The following NUCB1 variants were observed in gnomAD, a reference collection of about 807,000 sequenced individuals.
NUCB1 encodes the protein nucleobindin-1.
Under a neutral mutation model 61.2 loss-of-function variants are expected in NUCB1, and 47 were observed. The observed-to-expected ratio is 0.77, with a 90% CI of 0.61 to 0.98. The LOEUF is 0.98. Among genes scored for constraint, NUCB1 ranks in the 50% least tolerant of loss-of-function variants. The probability of loss-of-function intolerance (pLI) is 0.00; values close to 1 mark genes in which losing one functional copy is unlikely to be tolerated. For synonymous variants in NUCB1, 234 were observed against 243.1 expected (o/e 0.96, Z 0.35); for missense variants, 583 against 605.3 (o/e 0.96, Z 0.39).
At position 48,920,213 on chromosome 19, in the gene NUCB1, G is replaced by A. The variant is rs544909236; in HGVS notation, c.1002+927G>A. 2.6e-5 allele frequency among the ~76,000 whole-genome samples: 4 copies of A among 151,570 alleles called. No individual in the cohort carries two copies. In the East Asian group the frequency reaches 7.8e-4, roughly 30 times the overall value. ...GGCTGGAGTGCAGGGGTGTTATCAT[G>A]GCCCACTGCAGCCTCAAACTCCTGT... On this transcript the variant is annotated intron_variant, in intron 10 of 12. Coordinates refer to ENST00000405315, the MANE Select transcript of NUCB1 (RefSeq NM_006184.6).
At position 48,905,618 on chromosome 19, in the gene NUCB1, G is replaced by T. The variant is rs533513191; in HGVS notation, c.244-135G>T. On this transcript the variant is annotated intron_variant, in intron 3 of 12. Transcript: ENST00000405315. ...GACGGGCTGGGAGCTGTCCTTCCTG[G>T]AGACTCTGAGGAGCTGGGGGACTAT... The T allele has an allele frequency of 2.4e-4, 245 of 1,040,822 alleles. No homozygotes were observed. In the African/African-American group the frequency reaches 3.5e-3, roughly 15 times the overall value. 64.5% of individuals were successfully genotyped at this position (1,040,822 alleles called of 1,614,324 possible).
Position 48,922,343 on chromosome 19 carries a change from C to G in NUCB1, c.1305C>G (p.Ala435=), listed in dbSNP as rs139507341. 1 of 1,613,656 alleles carries G rather than the reference C, an allele frequency of 6.2e-7. No homozygotes were observed. The highest frequency in any genetic ancestry group is 8.5e-7 in the Non-Finnish European group (1 of 1,179,692). Residue 435 remains alanine (A), a synonymous_variant, in exon 13 of 13, where the codon GCC becomes GCG. Transcript: ENST00000405315. The part of the protein sequence containing the change: ...DTDDVPVPAP[A]GDQKEVDTSE... Reference sequence around the variant, plus strand: ...ACGATGTACCTGTCCCAGCTCCAGCCGGTGACCAGAAGGAGGTGGACACTT... The same window carrying G: ...ACGATGTACCTGTCCCAGCTCCAGCGGGTGACCAGAAGGAGGTGGACACTT...
At chr19:48,917,059 A>AC in intron 7 of NUCB1, among the ~76,000 whole-genome samples, 1 of 151,388 alleles carries the variant, frequency 6.6e-6, no homozygotes, top group South Asian at 2.1e-4. Flanking sequence ...ATCTCTATGA[A>AC]AACAAATACA....
At chr19:48,914,535 G>A (rs2037517775) in intron 7 of NUCB1, among the ~76,000 whole-genome samples, 2 of 152,160 alleles carry the variant, frequency 1.3e-5, no homozygotes, top group African/African-American at 4.8e-5. Flanking sequence ...CCCCCTCAGA[G>A]CCAGTGATCA....
In NUCB1 at chr19:48,922,431, G is replaced by A. The variant is rs199991235; in HGVS notation, c.*7G>A. The A allele has an allele frequency of 1.1e-4, 171 of 1,609,078 alleles. No homozygotes were observed. The Middle Eastern group carries it at 1.5e-3, about 14-fold the overall frequency. On this transcript the variant is annotated 3_prime_UTR_variant, in exon 13 of 13. Transcript: ENST00000405315. The stretch of plus-strand genomic sequence containing the variant: ...GGTGCCCCAGCATCTGTGATCCTCC[G>A]GGACCCCAGCCCTCAGGATTCCTGA...
intron 4 of NUCB1, among the ~76,000 whole-genome samples, chr19:48,908,766 TTCTC>T (rs2037441757): frequency 1.0e-5 from 1 of 99,886 alleles, no homozygotes. Flanking sequence ...GTGTGTGTCT[TTCTC>T]CCCACCTAAC....
At chr19:48,913,327 G>C in intron 6 of NUCB1, 131 bp downstream of exon 6, 1 of 1,204,890 alleles carries the variant, frequency 8.3e-7, no homozygotes, top group Non-Finnish European at 1.2e-6. Context: ...GTACCTGGCT[G>C]CCCCAGGGTC....
intron 3 of NUCB1, among the ~76,000 whole-genome samples, chr19:48,905,028 C>T (rs1310664404): frequency 2.6e-5 from 4 of 152,224 alleles, no homozygotes; most frequent in Admixed American, 6.5e-5. Context: ...CTCCCCTCAC[C>T]GTGCCTCAGT....
Position 48,913,189 on chromosome 19 carries a change from A to C in NUCB1, c.659A>C (p.Asn220Thr), listed in dbSNP as rs540384493. 2 of 1,611,612 alleles carry C rather than the reference A, an allele frequency of 1.2e-6. No individual in the cohort carries two copies. Among genetic ancestry groups the C allele is most frequent in the Non-Finnish European group, 1.7e-6 (2 of 1,179,024 alleles). Residue 220 changes from asparagine (N) to threonine (T), a missense_variant, in exon 6 of 13, where the codon AAC becomes ACC. Transcript: ENST00000405315. ...QRRHREHPKV[N>T]VPGSQAQLKE... ...CGGCACCGCGAGCACCCTAAAGTCA[A>C]CGTGCCTGTGAGGACCCCATTTGTG...
rs775152785 is a variant in NUCB1 at position 48,921,880 on chromosome 19, C to G, written c.1227C>G (p.His409Gln). 1 of 1,612,668 alleles carries G rather than the reference C, an allele frequency of 6.2e-7. No homozygotes were observed. Among genetic ancestry groups the G allele is most frequent in the South Asian group, 1.1e-5 (1 of 91,042 alleles). ...RKQQQQQQQGHKAPAAHPEGQ... is the reference protein window; with the variant it reads ...RKQQQQQQQGQKAPAAHPEGQ... ...AGCAGCAGCAGCAGCAGCAAGGCCA[C>G]AAGGCCCCGGCTGCCCACCCTGAGG... The change falls in exon 12 of 13, where the codon CAC becomes CAG. Residue 409 changes from histidine (H) to glutamine (Q), a missense_variant. Coordinates refer to ENST00000405315, the MANE Select transcript of NUCB1 (RefSeq NM_006184.6).
intron 2 of NUCB1, 69 bp from the exon 3 acceptor site, chr19:48,904,278 C>A: frequency 9.9e-7 from 1 of 1,006,264 alleles, no homozygotes; most frequent in Non-Finnish European, 1.6e-6. Context: ...CAGGCCATAG[C>A]AGTAACAGGA....
intron 8 of NUCB1, 118 bp from the exon 9 acceptor site, chr19:48,918,912 G>A: frequency 7.5e-7 from 1 of 1,325,164 alleles, no homozygotes; most frequent in Non-Finnish European, 1.1e-6. Context: ...CAGCCCCTGG[G>A]GCAAAAACGG....
chr19:48,912,883 G>C, intron 5 of NUCB1, 128 bp from the exon 6 acceptor site: 1 of 516,316 alleles, frequency 1.9e-6, no homozygotes. Context: ...GACACGAGAC[G>C]TAAGAAAGAC....
chr19:48,912,521 G>A (rs1009438872), intron 5 of NUCB1, among the ~76,000 whole-genome samples: 1 of 151,926 alleles, frequency 6.6e-6, no homozygotes, highest in African/African-American at 2.4e-5. Context: ...TATGGGGCAG[G>A]AGCAGTCATG....
Position 48,915,422 on chromosome 19 carries a change from C to T in NUCB1, c.757+1858C>T, listed in dbSNP as rs553050735. ...CTGAGGTAGGAGAATCGCTTGAACC[C>T]GGGAGGCGGAAGGCGGGGGTTGCAA... On this transcript the variant is annotated intron_variant, in intron 7 of 12. Coordinates refer to ENST00000405315, the MANE Select transcript of NUCB1 (RefSeq NM_006184.6). Among the ~76,000 whole-genome samples the T allele has an allele frequency of 2.0e-4, 30 of 152,234 alleles. No homozygotes were observed. The East Asian group carries it at 3.7e-3, about 19-fold the overall frequency.
At chr19:48,908,478 C>T (rs533093889) in intron 4 of NUCB1, among the ~76,000 whole-genome samples, 5 of 152,256 alleles carry the variant, frequency 3.3e-5, no homozygotes, top group African/African-American at 9.6e-5. Flanking sequence ...GTGTCCATAG[C>T]GGCCGGCGCT....
chr19:48,905,668 C>T, intron 3 of NUCB1, 85 bp from the exon 4 acceptor site: 1 of 1,522,942 alleles, frequency 6.6e-7, no homozygotes, highest in Non-Finnish European at 9.1e-7. Context: ...CAGTATAAGA[C>T]TGGGGCATGA....
chr19:48,908,139 T>G (rs1012904048), intron 4 of NUCB1, among the ~76,000 whole-genome samples: 6 of 152,098 alleles, frequency 3.9e-5, no homozygotes, highest in Non-Finnish European at 8.8e-5. Flanking sequence ...TTTTGGTTGT[T>G]GTTGTTTTTG....
chr19:48,915,323 AC>A (rs1357944773), intron 7 of NUCB1, among the ~76,000 whole-genome samples: 3 of 75,198 alleles, frequency 4.0e-5, no homozygotes, highest in Non-Finnish European at 7.5e-5. Context: ...TACTAAAAAT[AC>A]AAAAATTAAA....
Sources: gnomAD v4.1 joint callset for allele counts (sites outside exome capture counted in the v4.1 genomes callset) on GRCh38, gnomAD v4.1.1 for gene constraint, MANE v1.5 for transcripts, NCBI Gene and HGNC (gene_info 2026-07-23, HGNC 2026-07-21) for gene names.